The following POU6F2 variants were observed in gnomAD, a reference collection of about 807,000 sequenced individuals.
POU6F2 encodes the protein POU domain, class 6, transcription factor 2.
A neutral mutation model predicts 71.3 loss-of-function variants in POU6F2; 31 were observed. The observed-to-expected ratio is 0.43, with a 90% CI of 0.33 to 0.59. The LOEUF (loss-of-function observed/expected upper bound fraction) is 0.59, where lower values mean the gene tolerates loss of function less well. Among genes scored for constraint, POU6F2 ranks in the 20% least tolerant of loss-of-function variants. The pLI is 0.04. For missense variants in POU6F2, 783 were observed against 856.8 expected (o/e 0.91, Z 1.07); for synonymous variants, 347 against 355.7 (o/e 0.98, Z 0.27).
intron 4 of POU6F2, among the ~76,000 whole-genome samples, chr7:39,246,229 C>T (rs1309749790): frequency 6.6e-6 from 1 of 152,134 alleles, no homozygotes; most frequent in African/African-American, 2.4e-5. Flanking sequence ...ATGTGTCAGG[C>T]ATGGTGATGG....
chr7:39,283,535 G>A (rs1007319632), intron 4 of POU6F2, among the ~76,000 whole-genome samples: 1 of 152,064 alleles, frequency 6.6e-6, no homozygotes, highest in African/African-American at 2.4e-5. Context: ...TTTGTCCTTT[G>A]GTGACTGGCT....
At chr7:39,369,398 G>A (rs994390361) in intron 5 of POU6F2, among the ~76,000 whole-genome samples, 6 of 151,056 alleles carry the variant, frequency 4.0e-5, no homozygotes, top group Admixed American at 4.0e-4. Flanking sequence ...GTCTGGCTCT[G>A]TTGCCCAGGC....
chr7:39,314,472 G>A (rs1785225415), intron 4 of POU6F2, among the ~76,000 whole-genome samples: 1 of 152,184 alleles, frequency 6.6e-6, no homozygotes, highest in Non-Finnish European at 1.5e-5. Context: ...AGTTGGTTTA[G>A]GGCATTTTGA....
chr7:39,176,163 G>A lies in POU6F2; in HGVS notation c.278-28072G>A, dbSNP rs541134458. On this transcript the variant is annotated intron_variant, in intron 2 of 9. Transcript: ENST00000518318. ...GGCCTGCAGGCTCTTCTCCATGCAG[G>A]ACCCAGTCTCCTCTACCACCTGCTG... 1.1e-4 allele frequency among the ~76,000 whole-genome samples: 16 copies of A among 152,200 alleles called. No homozygotes were observed. The South Asian group carries it at 2.5e-3, about 24-fold the overall frequency.
chr7:39,015,996 A>G (rs1174701839), intron 1 of POU6F2, among the ~76,000 whole-genome samples: 2 of 39,856 alleles, frequency 5.0e-5, no homozygotes, highest in Non-Finnish European at 9.5e-5. Flanking sequence ...TATATAATAT[A>G]TAGATATATA....
chr7:39,247,468 A>G (rs73126472), intron 4 of POU6F2, among the ~76,000 whole-genome samples: 19,383 of 149,320 alleles, frequency 0.13, 1,256 homozygotes, highest in Middle Eastern at 0.15. Flanking sequence ...AAAGAAAGAA[A>G]GAGAGAAAGA....
At chr7:39,018,401 T>G (rs1789608903) in intron 1 of POU6F2, among the ~76,000 whole-genome samples, 1 of 152,106 alleles carries the variant, frequency 6.6e-6, no homozygotes. Flanking sequence ...CCGGAAGCCA[T>G]GACCTGAACT....
At chr7:39,327,317 C>T (rs1013731507) in intron 4 of POU6F2, among the ~76,000 whole-genome samples, 2 of 151,852 alleles carry the variant, frequency 1.3e-5, no homozygotes, top group Admixed American at 6.6e-5. Context: ...CACATACCCA[C>T]TTAACACATA....
chr7:39,048,693 A>G (rs1206141993), intron 1 of POU6F2, among the ~76,000 whole-genome samples: 4 of 151,980 alleles, frequency 2.6e-5, no homozygotes, highest in South Asian at 4.1e-4. Flanking sequence ...TCCTTTGTGT[A>G]TATACCCAAT....
At chr7:39,130,905 C>T (rs1562717295) in intron 2 of POU6F2, among the ~76,000 whole-genome samples, 1 of 152,176 alleles carries the variant, frequency 6.6e-6, no homozygotes, top group Non-Finnish European at 1.5e-5. Flanking sequence ...GGCGTTCCCA[C>T]CTGCTGCTAC....
In POU6F2 at chr7:39,460,076, T is replaced by C. The variant is rs1411187896; in HGVS notation, c.1490-471T>C. On this transcript the variant is annotated intron_variant, in intron 8 of 9. Coordinates refer to ENST00000518318, the MANE Select transcript of POU6F2 (RefSeq NM_001370959.1). This position sits in a 1 kb window ranked among gnomAD's most constrained non-coding sequence, Gnocchi z 4.4. Reference sequence around the variant, plus strand: ...GCTGTTAGCCTGACTGCTTTGGCGATCAGTTGAAGGAAAAATACAAAATAC... The same window carrying C: ...GCTGTTAGCCTGACTGCTTTGGCGACCAGTTGAAGGAAAAATACAAAATAC... Among the ~76,000 whole-genome samples the C allele has an allele frequency of 6.6e-6, 1 of 152,238 alleles. No homozygotes were observed. The highest frequency in any genetic ancestry group is 1.9e-4 in the East Asian group (1 of 5,206).
At chr7:39,327,467 G>A (rs1409570256) in intron 4 of POU6F2, among the ~76,000 whole-genome samples, 2 of 151,808 alleles carry the variant, frequency 1.3e-5, no homozygotes, top group Non-Finnish European at 2.9e-5. Flanking sequence ...CTTCTTAGGG[G>A]TAAAGAAGAA....
chr7:39,065,422 A>G (rs1790735951), intron 1 of POU6F2, among the ~76,000 whole-genome samples: 1 of 151,710 alleles, frequency 6.6e-6, no homozygotes, highest in African/African-American at 2.4e-5. Context: ...TAAACGGATA[A>G]ATAAATTCAC....
chr7:38,998,327 G>C (rs1788797896), intron 1 of POU6F2, among the ~76,000 whole-genome samples: 2 of 152,150 alleles, frequency 1.3e-5, no homozygotes, highest in South Asian at 4.1e-4. Context: ...GTACATTCTA[G>C]TTTCAGCTGT....
chr7:39,343,728 C>T (rs564347353), intron 5 of POU6F2, among the ~76,000 whole-genome samples: 1 of 152,266 alleles, frequency 6.6e-6, no homozygotes, highest in South Asian at 2.1e-4. Flanking sequence ...TAACTCATAA[C>T]TTTGGATAGG....
chr7:39,277,183 A>G (rs1453031901), intron 4 of POU6F2, among the ~76,000 whole-genome samples: 1 of 152,204 alleles, frequency 6.6e-6, no homozygotes, highest in Non-Finnish European at 1.5e-5. Flanking sequence ...GTAGACAGGA[A>G]GTTCTCTGGC....
At chr7:39,139,852 C>T (rs536850329) in intron 2 of POU6F2, among the ~76,000 whole-genome samples, 1 of 152,290 alleles carries the variant, frequency 6.6e-6, no homozygotes, top group African/African-American at 2.4e-5. Context: ...GTCTTGTTTG[C>T]ACTTAACGGC....
intron 1 of POU6F2, among the ~76,000 whole-genome samples, chr7:39,059,569 A>G (rs1484674131): frequency 6.6e-6 from 1 of 151,958 alleles, no homozygotes; most frequent in Non-Finnish European, 1.5e-5. Flanking sequence ...ACCCTCATAC[A>G]CTGCTAGTAG....
chr7:39,373,530 T>C (rs766399189), intron 5 of POU6F2: 4 of 456,538 alleles, frequency 8.8e-6, no homozygotes, highest in African/African-American at 4.0e-5. Flanking sequence ...ATGGAAGAAT[T>C]TGGTACTTCA....
Sources: gnomAD v4.1 joint callset for allele counts (sites outside exome capture counted in the v4.1 genomes callset) on GRCh38, gnomAD v4.1.1 for gene constraint, Gnocchi (gnomAD v3.1) non-coding constraint, MANE v1.5 for transcripts, NCBI Gene and HGNC (gene_info 2026-07-23, HGNC 2026-07-21) for gene names.